The following KLF12 variants were observed in gnomAD, a reference collection of about 807,000 sequenced individuals.
KLF12 encodes the protein KLF transcription factor 12, also known as Krueppel-like factor 12.
KLF12 carries 9 observed loss-of-function variants against 37.8 expected under a neutral mutation model. That is an observed-to-expected ratio of 0.24 (90% confidence interval 0.14 to 0.42). KLF12 has a LOEUF of 0.42. Ranked by LOEUF, KLF12 falls within the 10% of genes least tolerant of loss-of-function variation. The probability of loss-of-function intolerance (pLI) is 1.00; values close to 1 mark genes in which losing one functional copy is unlikely to be tolerated. For synonymous variants in KLF12, 208 were observed against 202.1 expected (o/e 1.03, Z -0.25); for missense variants, 411 against 516.0 (o/e 0.80, Z 1.97).
At chr13:74,112,189 T>C (rs1253326762) in intron 1 of KLF12, among the ~76,000 whole-genome samples, 1 of 122,382 alleles carries the variant, frequency 8.2e-6, no homozygotes, top group Non-Finnish European at 1.9e-5. Context: ...TAAACGTTTA[T>C]GTGTGTGTGT....
At chr13:73,758,065 TTTTC>T (rs1879292325) in intron 6 of KLF12, among the ~76,000 whole-genome samples, 1 of 151,074 alleles carries the variant, frequency 6.6e-6, no homozygotes, top group South Asian at 2.1e-4. Flanking sequence ...GAGTTTTAAT[TTTTC>T]TTTTTTTTAG....
chr13:73,724,687 G>A (rs1876528274), intron 6 of KLF12, among the ~76,000 whole-genome samples: 1 of 152,104 alleles, frequency 6.6e-6, no homozygotes, highest in Non-Finnish European at 1.5e-5. Context: ...AAGTAGAGAG[G>A]TATACCAATA....
the KLF12 span, among the ~76,000 whole-genome samples, chr13:74,202,382 A>G: frequency 2.6e-5 from 4 of 152,084 alleles, no homozygotes; most frequent in Admixed American, 2.6e-4. Context: ...GGATTGTTCA[A>G]CCTTCCATAA....
At chr13:73,988,688 A>G (rs757373936) in intron 2 of KLF12, among the ~76,000 whole-genome samples, 12 of 152,196 alleles carry the variant, frequency 7.9e-5, no homozygotes, top group Non-Finnish European at 1.8e-4. Context: ...GCTGCCATAT[A>G]AGAAGAACAC....
intron 1 of KLF12, among the ~76,000 whole-genome samples, chr13:74,098,651 C>G (rs7982903): frequency 0.19 from 28,486 of 152,074 alleles, 2,945 homozygotes; most frequent in African/African-American, 0.28. Flanking sequence ...GATGGGTTTT[C>G]CAACAAAGCA....
At chr13:74,253,778 A>G in the KLF12 span, among the ~76,000 whole-genome samples, 1 of 152,314 alleles carries the variant, frequency 6.6e-6, no homozygotes, top group Middle Eastern at 3.4e-3. Flanking sequence ...CCACCAAACA[A>G]ACAAGCAAAG....
At chr13:74,109,254 G>C (rs747552031) in intron 1 of KLF12, among the ~76,000 whole-genome samples, 19 of 151,176 alleles carry the variant, frequency 1.3e-4, no homozygotes, top group Non-Finnish European at 2.2e-4. Context: ...TTAAATTTCT[G>C]CTACTAAATT....
At chr13:73,953,337 A>T (rs1890708679) in intron 2 of KLF12, among the ~76,000 whole-genome samples, 1 of 152,196 alleles carries the variant, frequency 6.6e-6, no homozygotes, top group African/African-American at 2.4e-5. Context: ...AAATGCTATC[A>T]ACCAATCCTC....
At chr13:74,269,360 T>C in the KLF12 span, among the ~76,000 whole-genome samples, 6 of 152,208 alleles carry the variant, frequency 3.9e-5, no homozygotes, top group East Asian at 3.9e-4. Context: ...ATATAGAGCA[T>C]ACTGAGTTCA....
intron 1 of KLF12, among the ~76,000 whole-genome samples, chr13:74,116,409 G>C (rs192438939): frequency 1.3e-5 from 2 of 152,264 alleles, no homozygotes; most frequent in African/African-American, 4.8e-5. Context: ...ACATTTTACA[G>C]CACGTGTAGT....
At chr13:73,773,914 C>T (rs1450703630) in intron 5 of KLF12, among the ~76,000 whole-genome samples, 5 of 152,154 alleles carry the variant, frequency 3.3e-5, no homozygotes, top group Admixed American at 6.5e-5. Context: ...TCCTCAGCTC[C>T]GCAGTTCAAA....
chr13:73,987,145 G>A (rs1891845020), intron 2 of KLF12, among the ~76,000 whole-genome samples: 2 of 151,878 alleles, frequency 1.3e-5, no homozygotes, highest in Admixed American at 6.6e-5. Context: ...TAGACTATAA[G>A]ATACACTGAA....
At chr13:74,121,759 T>C (rs994350491) in intron 1 of KLF12, among the ~76,000 whole-genome samples, 1 of 152,008 alleles carries the variant, frequency 6.6e-6, no homozygotes, top group East Asian at 1.9e-4. Context: ...TCCTCACATA[T>C]GAATGCTAGT....
rs572978155 is a variant in KLF12 at position 73,686,837 on chromosome 13, T to A, written c.*8653A>T. 3 of 152,330 alleles carry A rather than the reference T, an allele frequency of 2.0e-5. No individual in the cohort carries two copies. The highest frequency in any genetic ancestry group is 2.1e-4 in the South Asian group (1 of 4,828). 9.4% of individuals were successfully genotyped at this position (152,330 alleles called of 1,614,324 possible). A position where few individuals can be genotyped will look rare whatever the true frequency, so the allele number is the denominator to read the frequency against. On this transcript the variant is annotated 3_prime_UTR_variant, in exon 8 of 8. Transcript: ENST00000377669. ...GTTTCTGTATTTTCACACGGACAGA[T>A]CTCGTGATCCAATCACCACGTATAA...
At chr13:73,872,768 G>A (rs4885124) in intron 3 of KLF12, among the ~76,000 whole-genome samples, 31,852 of 152,144 alleles carry the variant, frequency 0.21, 4,424 homozygotes, top group East Asian at 0.61. Flanking sequence ...AGGCTCATAC[G>A]TGTTGTATGT....
chr13:74,294,154 AC>A, the KLF12 span, among the ~76,000 whole-genome samples: 27 of 152,360 alleles, frequency 1.8e-4, no homozygotes, highest in Admixed American at 2.6e-4. Context: ...TCTGTGAACC[AC>A]ACTTTGAGTA....
intron 1 of KLF12, among the ~76,000 whole-genome samples, chr13:74,108,815 A>T (rs1251581242): frequency 6.6e-6 from 1 of 152,176 alleles, no homozygotes; most frequent in African/African-American, 2.4e-5. Flanking sequence ...TGAGTAGGCT[A>T]AGGAGGAGGG....
intron 5 of KLF12, among the ~76,000 whole-genome samples, chr13:73,807,308 T>TA (rs35042393): frequency 0.43 from 61,956 of 145,448 alleles, 13,205 homozygotes; most frequent in East Asian, 0.72. Flanking sequence ...AAATTCCATC[T>TA]AAAAAAAAAA....
chr13:74,213,980 C>G, the KLF12 span, among the ~76,000 whole-genome samples: 1 of 152,030 alleles, frequency 6.6e-6, no homozygotes, highest in Non-Finnish European at 1.5e-5. Context: ...AATGTTTTTA[C>G]ATTAGTTTTG....
Sources: gnomAD v4.1 joint callset for allele counts (sites outside exome capture counted in the v4.1 genomes callset) on GRCh38, gnomAD v4.1.1 for gene constraint, MANE v1.5 for transcripts, NCBI Gene and HGNC (gene_info 2026-07-23, HGNC 2026-07-21) for gene names.